The following HMGXB3 variants were observed in gnomAD, a reference collection of about 807,000 sequenced individuals.
The protein encoded by HMGXB3 is HMG domain-containing protein 3.
In HMGXB3, 45 loss-of-function variants were observed where a neutral mutation model predicts 121.5. The observed-to-expected ratio is 0.37, with a 90% CI of 0.29 to 0.47. The LOEUF (loss-of-function observed/expected upper bound fraction) is 0.47. Among genes scored for constraint, HMGXB3 ranks in the 20% least tolerant of loss-of-function variants. The pLI is 0.99. For synonymous variants in HMGXB3, 590 were observed against 624.1 expected (o/e 0.95, Z 0.81); for missense variants, 1,376 against 1,602.2 (o/e 0.86, Z 2.41).
In HMGXB3 at chr5:150,041,822, G is replaced by A. The variant is rs1233166145; in HGVS notation, c.2583G>A (p.Gln861=). The part of the protein sequence containing the change: ...TLTSEELSQL[Q]ELLCNGYWAF... ...CCTCGGAGGAGCTGAGCCAGCTGCA[G>A]GAGCTGCTGTGCAATGGCTATTGGG... The change falls in exon 15 of 20, where the codon CAG becomes CAA. Residue 861 remains glutamine, a synonymous_variant. Transcript: ENST00000502717. The A allele has an allele frequency of 2.6e-6, 4 of 1,551,578 alleles. No individual in the cohort carries two copies. Among genetic ancestry groups the A allele is most frequent in the Non-Finnish European group, 2.6e-6 (3 of 1,146,866 alleles).
chr5:150,003,121 G>A (rs1755618566), intron 1 of HMGXB3, among the ~76,000 whole-genome samples: 1 of 152,020 alleles, frequency 6.6e-6, no homozygotes, highest in African/African-American at 2.4e-5. Context: ...GCAGCCCAGG[G>A]GACAGAGTGA....
intron 1 of HMGXB3, 28 bp from the exon 2 acceptor site, chr5:150,004,823 A>G (rs1307031581): frequency 1.3e-6 from 2 of 1,493,390 alleles, no homozygotes; most frequent in Non-Finnish European, 1.8e-6. Flanking sequence ...GATTCTGGAA[A>G]CTTTATTTTG....
At chr5:150,002,438 T>G (rs1331837217) in intron 1 of HMGXB3, among the ~76,000 whole-genome samples, 2 of 152,210 alleles carry the variant, frequency 1.3e-5, no homozygotes, top group Non-Finnish European at 2.9e-5. Flanking sequence ...TCATTATACC[T>G]TATTTGTGGA....
chr5:150,041,370 C>T (rs1043797485), intron 14 of HMGXB3, among the ~76,000 whole-genome samples: 3 of 152,232 alleles, frequency 2.0e-5, no homozygotes, highest in Non-Finnish European at 4.4e-5. Context: ...GGAGTAGAGC[C>T]TACTAGAGTT....
Position 150,006,552 on chromosome 5 carries a change from A to G in HMGXB3, c.217A>G (p.Asn73Asp). The G allele has an allele frequency of 1.3e-6, 2 of 1,552,210 alleles. No individual in the cohort carries two copies. Among genetic ancestry groups the G allele is most frequent in the Non-Finnish European group, 1.7e-6 (2 of 1,147,082 alleles). ...CCCCCACCTCCCTCAGTCTGAGATC[A>G]ATAAGAAGATTAGTGAGAGTTGGAG... ...ELPHLPQSEINKKISESWRLL... is the reference protein window; with the variant it reads ...ELPHLPQSEIDKKISESWRLL... The change falls in exon 3 of 20, where the codon AAT (asparagine) becomes GAT (aspartate). Residue 73 changes from asparagine to aspartate, a missense_variant. Coordinates refer to ENST00000502717, the MANE Select transcript of HMGXB3 (RefSeq NM_014983.3).
At chr5:150,001,672 C>T (rs909711058) in intron 1 of HMGXB3, among the ~76,000 whole-genome samples, 1 of 152,118 alleles carries the variant, frequency 6.6e-6, no homozygotes, top group East Asian at 1.9e-4. Context: ...CTTAAATTGT[C>T]CTGCCTTTTT....
rs777793422 is a variant in HMGXB3, at chr5:150,012,370, GGGGATTGAT to G, written c.909+20_909+28del. 84 of 1,503,958 alleles carry G rather than the reference GGGGATTGAT, an allele frequency of 5.6e-5. 1 individual carries two copies. The Admixed American group carries it at 7.3e-4, about 13-fold the overall frequency. The allele number at this position is 1,503,958 out of a possible 1,614,324, so 93.2% of individuals were successfully genotyped here. On this transcript the variant is annotated intron_variant, in intron 5 of 19. Coordinates refer to ENST00000502717, the MANE Select transcript of HMGXB3 (RefSeq NM_014983.3). ...ATCAAACTGGTCAGTACTGTATGTG[GGGGATTGAT>G]GGCAATTAGGGTGTCATAAGCATTT...
At chr5:150,041,332 C>A (rs1010537635) in intron 14 of HMGXB3, among the ~76,000 whole-genome samples, 2 of 152,234 alleles carry the variant, frequency 1.3e-5, no homozygotes, top group African/African-American at 4.8e-5. Context: ...TCCAATCCCC[C>A]TCTACCTTAC....
intron 3 of HMGXB3, among the ~76,000 whole-genome samples, chr5:150,007,931 C>T (rs970798648): frequency 6.6e-6 from 1 of 152,044 alleles, no homozygotes. Context: ...GTGGCATACA[C>T]CTGTAGTCCC....
At chr5:150,046,744 G>A (rs145571340) in intron 16 of HMGXB3, among the ~76,000 whole-genome samples, 17,831 of 151,846 alleles carry the variant, frequency 0.12, 1,265 homozygotes, top group Admixed American at 0.26. Context: ...CCCGGGAGGC[G>A]GAGATTGCAG....
At chr5:150,013,498 G>C (rs963609640) in intron 5 of HMGXB3, among the ~76,000 whole-genome samples, 1 of 152,166 alleles carries the variant, frequency 6.6e-6, no homozygotes, top group African/African-American at 2.4e-5. Flanking sequence ...CTCAGAATTT[G>C]GCTCAGAATT....
In HMGXB3 at chr5:150,052,380, A is replaced by G. The variant is rs181914877; in HGVS notation, c.*188A>G. ...CAGGGTCCTCAGTTCTCAACCCTCC[A>G]GGGGTCAGGAGTGGTACCAGGAAAC... On this transcript the variant is annotated 3_prime_UTR_variant, in exon 20 of 20. Transcript: ENST00000502717. 2 of 586,972 alleles carry G rather than the reference A, an allele frequency of 3.4e-6. No homozygotes were observed. The highest frequency in any genetic ancestry group is 2.8e-5 in the East Asian group (1 of 35,816). The allele number at this position is 586,972 out of a possible 1,614,324, so 36.4% of individuals were successfully genotyped here. A position where few individuals can be genotyped will look rare whatever the true frequency, so the allele number is the denominator to read the frequency against.
At chr5:150,009,687 A>T (rs566011858) in intron 3 of HMGXB3, among the ~76,000 whole-genome samples, 1 of 152,166 alleles carries the variant, frequency 6.6e-6, no homozygotes, top group Non-Finnish European at 1.5e-5. Context: ...GCTGCTTTGG[A>T]ATCCTAAAGT....
At chr5:150,026,953 C>T (rs537652141) in intron 8 of HMGXB3, 67 bp from the exon 9 acceptor site, 61 of 1,529,870 alleles carry the variant, frequency 4.0e-5, no homozygotes, top group South Asian at 9.9e-5. Context: ...GGGTTGAGAA[C>T]GGACATAGAG....
Position 150,045,611 on chromosome 5 carries a change from T to C in HMGXB3, c.2876T>C (p.Phe959Ser). The C allele has an allele frequency of 6.4e-7, 1 of 1,551,762 alleles. No individual in the cohort carries two copies. Among genetic ancestry groups the C allele is most frequent in the African/African-American group, 1.4e-5 (1 of 73,130 alleles). Residue 959 changes from phenylalanine to serine, a missense_variant, in exon 16 of 20, where the codon TTC becomes TCC. This residue lies in a region of HMGXB3 where 1,116 missense variants were observed against 1,369.0 expected (regional missense o/e 0.82). Coordinates refer to ENST00000502717, the MANE Select transcript of HMGXB3 (RefSeq NM_014983.3). Reference protein sequence around the residue: ...KFDASVIAPFFPPLMRGAVVV... With the variant: ...KFDASVIAPFSPPLMRGAVVV... Reference sequence around the variant, plus strand: ...GATGCGTCTGTTATTGCCCCCTTCTTCCCACCACTCATGAGAGGAGCTGTG... The same window carrying C: ...GATGCGTCTGTTATTGCCCCCTTCTCCCCACCACTCATGAGAGGAGCTGTG...
intron 1 of HMGXB3, 51 bp from the exon 2 acceptor site, chr5:150,004,800 C>A: frequency 7.7e-7 from 1 of 1,295,586 alleles, no homozygotes; most frequent in Non-Finnish European, 1.1e-6. Context: ...AAGCTGCTGC[C>A]CCTCTTAGGG....
chr5:150,014,234 T>TG (rs1366836329), intron 5 of HMGXB3, among the ~76,000 whole-genome samples: 5 of 152,342 alleles, frequency 3.3e-5, no homozygotes, highest in Non-Finnish European at 5.9e-5. Context: ...TTAACACCCA[T>TG]GGGATTTGCA....
intron 3 of HMGXB3, 78 bp from the exon 4 acceptor site, chr5:150,010,033 A>G (rs1339577555): frequency 3.6e-6 from 5 of 1,381,386 alleles, no homozygotes; most frequent in East Asian, 2.5e-5. Flanking sequence ...ACACATATAT[A>G]TATATCTTTC....
At position 150,026,841 on chromosome 5, in the gene HMGXB3, C is replaced by A; in HGVS notation, c.1596C>A (p.Ser532Arg). 6.5e-7 allele frequency: 1 copy of A among 1,536,806 alleles called. No homozygotes were observed. The highest frequency in any genetic ancestry group is 1.2e-5 in the South Asian group (1 of 81,278). ...PAPVNVGRGS[S>R]MGLPRARQAF... ...CAGTTAACGTGGGGCGAGGCAGCAGCATGGGACTGCCCAGGGCCAGGCAGG... is the reference window on the plus strand; with the variant it reads ...CAGTTAACGTGGGGCGAGGCAGCAGAATGGGACTGCCCAGGGCCAGGCAGG... Residue 532 changes from serine to arginine, a missense_variant, in exon 8 of 20, where the codon AGC (serine) becomes AGA (arginine). By Grantham distance (110) the Ser-to-Arg change is moderately radical. This residue lies in a region of HMGXB3 where 1,116 missense variants were observed against 1,369.0 expected (regional missense o/e 0.82). Transcript: ENST00000502717.
Sources: allele counts gnomAD v4.1 joint callset (sites outside exome capture counted in the v4.1 genomes callset), GRCh38; gene constraint gnomAD v4.1.1; regional missense constraint gnomAD v4.1.1; transcripts MANE v1.5; gene names NCBI Gene and HGNC (gene_info 2026-07-23, HGNC 2026-07-21).